The following MGAT5 variants were observed in gnomAD, a reference collection of about 807,000 sequenced individuals.
The protein encoded by MGAT5 is alpha-1,6-mannosylglycoprotein 6-beta-N-acetylglucosaminyltransferase.
A neutral mutation model predicts 94.3 loss-of-function variants in MGAT5; 30 were observed. That is an observed-to-expected ratio of 0.32 (90% CI 0.24 to 0.43). The LOEUF is 0.43. MGAT5 is among the 20% of genes least tolerant of loss of function. MGAT5 has a pLI of 1.00. For synonymous variants in MGAT5, 310 were observed against 322.9 expected, an observed-to-expected ratio of 0.96 and a Z score of 0.43; for missense variants, 691 against 905.5, an observed-to-expected ratio of 0.76 and a Z score of 3.04.
intron 1 of MGAT5, among the ~76,000 whole-genome samples, chr2:134,179,168 T>C (rs1022547678): frequency 1.3e-5 from 2 of 152,188 alleles, no homozygotes; most frequent in Admixed American, 1.3e-4. Context: ...GTGTTTATCC[T>C]TTTTTTGTGC....
At chr2:134,187,968 A>T (rs1689130746) in intron 1 of MGAT5, among the ~76,000 whole-genome samples, 1 of 152,232 alleles carries the variant, frequency 6.6e-6, no homozygotes, top group African/African-American at 2.4e-5. Flanking sequence ...GGTGAAAGAG[A>T]CGGTGCTGAA....
intron 2 of MGAT5, among the ~76,000 whole-genome samples, chr2:134,294,942 A>G (rs1017280629): frequency 4.6e-5 from 7 of 152,194 alleles, no homozygotes; most frequent in East Asian, 3.8e-4. Flanking sequence ...GTTCCAGCCA[A>G]TGGAAACTGG....
At chr2:134,206,110 G>A (rs1204880107) in intron 1 of MGAT5, among the ~76,000 whole-genome samples, 1 of 152,220 alleles carries the variant, frequency 6.6e-6, no homozygotes, top group Non-Finnish European at 1.5e-5. Flanking sequence ...GACATTTGTG[G>A]ATGGAGTGTA....
intron 2 of MGAT5, among the ~76,000 whole-genome samples, chr2:134,286,696 A>G (rs1176571394): frequency 6.6e-6 from 1 of 152,212 alleles, no homozygotes; most frequent in Non-Finnish European, 1.5e-5. Context: ...CTGAGATTAT[A>G]GGTGAGCCAC....
intron 10 of MGAT5, among the ~76,000 whole-genome samples, chr2:134,383,472 TA>T (rs1158316458): frequency 1.3e-5 from 2 of 152,232 alleles, no homozygotes; most frequent in Non-Finnish European, 2.9e-5. Flanking sequence ...TCAAGTACTT[TA>T]TTACTAATCT....
chr2:134,134,693 A>C (rs1289433537), intron 1 of MGAT5, among the ~76,000 whole-genome samples: 1 of 152,132 alleles, frequency 6.6e-6, no homozygotes, highest in African/African-American at 2.4e-5. Context: ...GCATATCAGC[A>C]ATTTGGGGGG....
At chr2:134,166,186 T>G (rs987156772) in intron 1 of MGAT5, among the ~76,000 whole-genome samples, 3 of 152,164 alleles carry the variant, frequency 2.0e-5, no homozygotes, top group African/African-American at 7.2e-5. Flanking sequence ...GCTGAGATGA[T>G]CGCAGAGACA....
chr2:134,313,347 C>T (rs1000484375), intron 2 of MGAT5, among the ~76,000 whole-genome samples: 3 of 152,174 alleles, frequency 2.0e-5, no homozygotes, highest in African/African-American at 4.8e-5. Flanking sequence ...TGTTTGTTCA[C>T]TTAGATTAAA....
chr2:134,218,571 C>T (rs1205312295), intron 1 of MGAT5, among the ~76,000 whole-genome samples: 9 of 152,148 alleles, frequency 5.9e-5, no homozygotes, highest in Admixed American at 5.9e-4. Flanking sequence ...GGGCTCCCTT[C>T]CACATGGTCT....
At chr2:134,171,576 C>G (rs1001868836) in intron 1 of MGAT5, among the ~76,000 whole-genome samples, 1 of 152,142 alleles carries the variant, frequency 6.6e-6, no homozygotes, top group Non-Finnish European at 1.5e-5. Flanking sequence ...GGCCGCCCAC[C>G]TAGCTATTTT....
chr2:134,337,735 A>G (rs1349696647), intron 5 of MGAT5, among the ~76,000 whole-genome samples: 1 of 152,172 alleles, frequency 6.6e-6, no homozygotes, highest in African/African-American at 2.4e-5. Context: ...TTGGCTCTTT[A>G]AATTCCTTAG....
chr2:134,263,124 CTG>C (rs1339508946), intron 1 of MGAT5, among the ~76,000 whole-genome samples: 1 of 152,196 alleles, frequency 6.6e-6, no homozygotes, highest in Non-Finnish European at 1.5e-5. Flanking sequence ...GGTGCGGGCC[CTG>C]GCATCAGGTG....
At chr2:134,350,114 G>A (rs200460598) in intron 9 of MGAT5, among the ~76,000 whole-genome samples, 176 bp downstream of exon 9, 1 of 21,552 alleles carries the variant, frequency 4.6e-5, no homozygotes, top group African/African-American at 1.4e-4. Context: ...TTTTTTAGTT[G>A]AAATCGAAAG....
At chr2:134,448,571 G>A (rs911780202) in intron 15 of MGAT5, 78 bp from the exon 16 acceptor site, 1 of 1,347,178 alleles carries the variant, frequency 7.4e-7, no homozygotes, top group Non-Finnish European at 1.1e-6. Context: ...GCCTCAAGAT[G>A]GGGGCTCACA....
intron 4 of MGAT5, among the ~76,000 whole-genome samples, chr2:134,329,730 C>A (rs1177861890): frequency 3.3e-5 from 5 of 152,026 alleles, no homozygotes; most frequent in Non-Finnish European, 7.4e-5. Flanking sequence ...AAGGGCTTAT[C>A]CTCATGCTTG....
intron 1 of MGAT5, among the ~76,000 whole-genome samples, chr2:134,269,136 G>T (rs946777481): frequency 1.3e-5 from 2 of 152,174 alleles, no homozygotes; most frequent in African/African-American, 4.8e-5. Flanking sequence ...CTGAGCCTGG[G>T]TAATTTATAA....
rs35936767 is a variant in MGAT5 at position 134,387,332 on chromosome 2, A to ATTT, written c.1381-15637_1381-15635dup. Among the ~76,000 whole-genome samples, 101 of 24,248 alleles carry ATTT rather than the reference A, an allele frequency of 4.2e-3. 7 individuals are homozygous for ATTT. Among genetic ancestry groups the ATTT allele is most frequent in the South Asian group, 0.017 (5 of 290 alleles). 15.9% of individuals were successfully genotyped at this position (24,248 alleles called of 152,430 possible). A position where few individuals can be genotyped will look rare whatever the true frequency, so the allele number is the denominator to read the frequency against. ...TATATATATATATATATATATATAT[A>ATTT]TTTTTTTTTTTTTTTTTTTTTACCA... On this transcript the variant is annotated intron_variant, in intron 10 of 15. Coordinates refer to ENST00000281923, the MANE Select transcript of MGAT5 (RefSeq NM_002410.5).
chr2:134,304,000 A>G (rs1446909723), intron 2 of MGAT5, among the ~76,000 whole-genome samples: 2 of 152,162 alleles, frequency 1.3e-5, no homozygotes, highest in Non-Finnish European at 2.9e-5. Context: ...CTTTAGTGTC[A>G]TATTGTAAGT....
intron 1 of MGAT5, among the ~76,000 whole-genome samples, chr2:134,246,638 T>C (rs1682281924): frequency 6.6e-6 from 1 of 152,264 alleles, no homozygotes; most frequent in South Asian, 2.1e-4. Flanking sequence ...TCACGGCTTC[T>C]TAATAGTACT....
Sources: allele counts gnomAD v4.1 joint callset (sites outside exome capture counted in the v4.1 genomes callset), GRCh38; gene constraint gnomAD v4.1.1; transcripts MANE v1.5; gene names NCBI Gene and HGNC (gene_info 2026-07-23, HGNC 2026-07-21).